Variants in BRINP3 observed in about 807,000 individuals in gnomAD.
BRINP3 encodes the protein BMP/retinoic acid inducible neural specific 3.
Under a neutral mutation model 71.0 loss-of-function variants are expected in BRINP3, and 19 were observed. The ratio of observed to expected loss-of-function variants is 0.27; its 90% CI spans 0.19 to 0.39. BRINP3 has a LOEUF of 0.39. Among genes scored for constraint, BRINP3 ranks in the 10% least tolerant of loss-of-function variants. The probability of loss-of-function intolerance (pLI) is 1.00; values close to 1 mark genes in which losing one functional copy is unlikely to be tolerated. For synonymous variants in BRINP3, 380 were observed against 337.7 expected, an observed-to-expected ratio of 1.13 and a Z score of -1.37; for missense variants, 959 against 940.8, an observed-to-expected ratio of 1.02 and a Z score of -0.25.
In BRINP3 at chr1:190,286,099, C is replaced by A. The variant is rs79614844; in HGVS notation, c.237-4349G>T. 7.9e-5 allele frequency among the ~76,000 whole-genome samples: 12 copies of A among 152,188 alleles called. No individual in the cohort carries two copies. The East Asian group carries it at 1.4e-3, about 17-fold the overall frequency. ...ATAGAACACACATATGGGCTGTAAC[C>A]AGTTTAACCAGAACATTACTTTGAA... is the stretch of plus-strand genomic sequence containing the variant. On this transcript the variant is annotated intron_variant, in intron 2 of 7. Transcript: ENST00000367462.
At chr1:190,250,730 A>G (rs867511290) in intron 4 of BRINP3, among the ~76,000 whole-genome samples, 38 of 152,002 alleles carry the variant, frequency 2.5e-4, no homozygotes, top group African/African-American at 7.5e-4. Context: ...CATTTGCCTG[A>G]TACGCAATGT....
chr1:190,271,098 G>A (rs1431247987), intron 3 of BRINP3, among the ~76,000 whole-genome samples: 1 of 151,610 alleles, frequency 6.6e-6, no homozygotes, highest in African/African-American at 2.4e-5. Flanking sequence ...TTGTATGGTA[G>A]TGAATTTTCC....
intron 2 of BRINP3, among the ~76,000 whole-genome samples, chr1:190,322,489 T>C (rs150071379): frequency 2.2e-4 from 34 of 152,028 alleles, no homozygotes; most frequent in African/African-American, 6.5e-4. Context: ...ATACACATGA[T>C]TGAGTACACA....
intron 1 of BRINP3, among the ~76,000 whole-genome samples, chr1:190,470,702 T>C (rs1051792583): frequency 1.5e-4 from 23 of 151,186 alleles, no homozygotes; most frequent in African/African-American, 5.6e-4. Flanking sequence ...TTGCATGTCA[T>C]TTTTCACCAT....
At chr1:190,416,009 T>C (rs996181606) in intron 2 of BRINP3, among the ~76,000 whole-genome samples, 1 of 152,206 alleles carries the variant, frequency 6.6e-6, no homozygotes, top group Non-Finnish European at 1.5e-5. Flanking sequence ...CTACTGTGTC[T>C]CAGCCACATT....
intron 2 of BRINP3, among the ~76,000 whole-genome samples, chr1:190,427,290 C>A (rs1025944794): frequency 2.6e-5 from 4 of 151,782 alleles, no homozygotes; most frequent in African/African-American, 9.7e-5. Context: ...TAAATAAATT[C>A]TTGTGAATTT....
At chr1:190,456,240 G>A (rs886875553) in intron 1 of BRINP3, among the ~76,000 whole-genome samples, 1 of 151,568 alleles carries the variant, frequency 6.6e-6, no homozygotes, top group Non-Finnish European at 1.5e-5. Flanking sequence ...ATAATTTTGG[G>A]GCTCTGAAGT....
intron 2 of BRINP3, among the ~76,000 whole-genome samples, chr1:190,370,497 A>AT (rs1425968358): frequency 2.6e-5 from 4 of 152,234 alleles, no homozygotes; most frequent in Non-Finnish European, 4.4e-5. Flanking sequence ...TCATCAAAAA[A>AT]ATATATAACA....
At chr1:190,409,967 G>A (rs1252244974) in intron 2 of BRINP3, among the ~76,000 whole-genome samples, 1 of 152,054 alleles carries the variant, frequency 6.6e-6, no homozygotes, top group Non-Finnish European at 1.5e-5. Context: ...GCAAGAAAAT[G>A]GCAAGAATTG....
chr1:190,465,597 C>T (rs1324420143), intron 1 of BRINP3, among the ~76,000 whole-genome samples: 1 of 151,906 alleles, frequency 6.6e-6, no homozygotes, highest in Admixed American at 6.6e-5. Flanking sequence ...ATCAGTTTAG[C>T]CAGAATCCCC....
intron 2 of BRINP3, among the ~76,000 whole-genome samples, chr1:190,440,886 C>T (rs1277306509): frequency 1.3e-5 from 2 of 151,754 alleles, no homozygotes; most frequent in Non-Finnish European, 2.9e-5. Flanking sequence ...GATGAGAAAA[C>T]AATTCTAATA....
intron 6 of BRINP3, among the ~76,000 whole-genome samples, chr1:190,214,611 C>T (rs1656248619): frequency 6.6e-6 from 1 of 151,944 alleles, no homozygotes; most frequent in African/African-American, 2.4e-5. Flanking sequence ...ATTTTTCTGG[C>T]TGAAACTTTA....
At chr1:190,184,701 A>C (rs1313575067) in intron 6 of BRINP3, among the ~76,000 whole-genome samples, 1 of 152,146 alleles carries the variant, frequency 6.6e-6, no homozygotes, top group African/African-American at 2.4e-5. Context: ...ACTCATGTAC[A>C]TAAACGTAGC....
intron 7 of BRINP3, among the ~76,000 whole-genome samples, chr1:190,149,521 T>G (rs1348035059): frequency 6.6e-6 from 1 of 152,122 alleles, no homozygotes; most frequent in Non-Finnish European, 1.5e-5. Context: ...AATCAGGTAT[T>G]GCTCTCCTTA....
rs776617224 is a variant in BRINP3, at chr1:190,222,344, A to G, written c.961+3738T>C. Among the ~76,000 whole-genome samples, 3 of 151,934 alleles carry G rather than the reference A, an allele frequency of 2.0e-5. No homozygotes were observed. The South Asian group carries it at 6.2e-4, about 32-fold the overall frequency. On this transcript the variant is annotated intron_variant, in intron 6 of 7. Coordinates refer to ENST00000367462, the MANE Select transcript of BRINP3 (RefSeq NM_199051.3). Reference sequence around the variant, plus strand: ...AGTCAATTAAAAAAATAAGAAGGCAATTAAAAAAAACAAATGAAAACAAAA... The same window carrying G: ...AGTCAATTAAAAAAATAAGAAGGCAGTTAAAAAAAACAAATGAAAACAAAA...
intron 2 of BRINP3, among the ~76,000 whole-genome samples, chr1:190,326,219 A>T (rs1666570935): frequency 3.3e-5 from 5 of 152,134 alleles, no homozygotes; most frequent in Admixed American, 3.3e-4. Flanking sequence ...GAAATAATCC[A>T]GTCAGACAAA....
At chr1:190,177,582 G>A (rs1652659610) in intron 6 of BRINP3, among the ~76,000 whole-genome samples, 1 of 151,706 alleles carries the variant, frequency 6.6e-6, no homozygotes, top group Non-Finnish European at 1.5e-5. Context: ...AGGTAAAATA[G>A]TTTACCAAAT....
At chr1:190,128,219 G>T (rs1654245036) in intron 7 of BRINP3, among the ~76,000 whole-genome samples, 1 of 151,668 alleles carries the variant, frequency 6.6e-6, no homozygotes, top group Non-Finnish European at 1.5e-5. Context: ...CACTTTATGT[G>T]GTTGTGGTAA....
rs530689944 is a variant in BRINP3, at chr1:190,226,403, G to A, written c.725-85C>T. The A allele has an allele frequency of 1.3e-4, 92 of 707,938 alleles. No homozygotes were observed. The African/African-American group carries it at 1.5e-3, about 12-fold the overall frequency. 43.9% of individuals were successfully genotyped at this position (707,938 alleles called of 1,614,324 possible). A position where few individuals can be genotyped will look rare whatever the true frequency, so the allele number is the denominator to read the frequency against. ...TTATTTATAATATTCAATCAAAACA[G>A]TAAATAATTTAGTGTATTAAATTTT... is the stretch of plus-strand genomic sequence containing the variant. On this transcript the variant is annotated intron_variant, in intron 5 of 7. Coordinates refer to ENST00000367462, the MANE Select transcript of BRINP3 (RefSeq NM_199051.3).
Sources: allele counts gnomAD v4.1 joint callset (sites outside exome capture counted in the v4.1 genomes callset), GRCh38; gene constraint gnomAD v4.1.1; transcripts MANE v1.5; gene names NCBI Gene and HGNC (gene_info 2026-07-23, HGNC 2026-07-21).